Variants in PEMT observed in about 807,000 individuals in gnomAD.
The protein encoded by PEMT is phospholipid methyltransferase.
PEMT carries 23 observed loss-of-function variants against 27.4 expected under a neutral mutation model. The observed-to-expected ratio is 0.84, with a 90% CI of 0.60 to 1.19. The LOEUF is 1.19. Among genes scored for constraint, PEMT ranks in the 50% most tolerant of loss-of-function variants. PEMT has a pLI of 0.00. For missense variants in PEMT, 307 were observed against 310.1 expected (o/e 0.99, Z 0.07); for synonymous variants, 137 against 139.1 (o/e 0.98, Z 0.11).
At chr17:17,533,209 G>C (rs895894855) in intron 2 of PEMT, among the ~76,000 whole-genome samples, 10 of 152,166 alleles carry the variant, frequency 6.6e-5, no homozygotes, top group African/African-American at 1.9e-4. Flanking sequence ...TTCCAACAAG[G>C]CTGCCAAAAC....
chr17:17,581,948 AC>A (rs1351997004), intron 1 of PEMT, among the ~76,000 whole-genome samples: 11 of 150,848 alleles, frequency 7.3e-5, no homozygotes, highest in East Asian at 1.9e-4. Context: ...CATTTCCAAA[AC>A]CCCCCTCAGG....
chr17:17,538,924 A>C (rs1299543274), intron 2 of PEMT, among the ~76,000 whole-genome samples: 2 of 152,198 alleles, frequency 1.3e-5, no homozygotes, highest in African/African-American at 4.8e-5. Flanking sequence ...TCAGGTTTCC[A>C]AGCTGGCCTT....
intron 2 of PEMT, among the ~76,000 whole-genome samples, chr17:17,566,951 G>A (rs1466311152): frequency 1.3e-5 from 2 of 152,224 alleles, no homozygotes; most frequent in African/African-American, 2.4e-5. Flanking sequence ...GAGGGATCCC[G>A]AGAGATGTCT....
intron 1 of PEMT, among the ~76,000 whole-genome samples, chr17:17,584,996 G>A (rs1439254619): frequency 2.0e-5 from 3 of 152,232 alleles, no homozygotes; most frequent in African/African-American, 7.2e-5. Flanking sequence ...CTGTGTCATC[G>A]AGTCCTGGTG....
intron 2 of PEMT, among the ~76,000 whole-genome samples, chr17:17,550,072 G>T (rs561880206): frequency 2.0e-5 from 3 of 152,202 alleles, no homozygotes; most frequent in East Asian, 1.9e-4. Flanking sequence ...CCCTGATAGC[G>T]GGGGGGATCA....
At chr17:17,591,353 A>G in intron 1 of PEMT, 178 bp downstream of exon 1, 1 of 603,228 alleles carries the variant, frequency 1.7e-6, no homozygotes, top group Non-Finnish European at 2.9e-6. Flanking sequence ...ACACGCACAC[A>G]CACAGACACC....
intron 1 of PEMT, among the ~76,000 whole-genome samples, chr17:17,581,961 G>A (rs1912001677): frequency 6.6e-6 from 1 of 152,138 alleles, no homozygotes; most frequent in Non-Finnish European, 1.5e-5. Flanking sequence ...CCCCTCAGGA[G>A]GGTGGACCTC....
At chr17:17,542,128 T>G (rs561910305) in intron 2 of PEMT, among the ~76,000 whole-genome samples, 2 of 152,136 alleles carry the variant, frequency 1.3e-5, no homozygotes, top group South Asian at 2.1e-4. Flanking sequence ...TTACAGGTGC[T>G]CACCACCACA....
At position 17,582,278 on chromosome 17, in the gene PEMT, G is replaced by A; in HGVS notation, c.97-5251C>T. ...AAGGAGCTACCCACCACGGCCAGGAGGTCTGCTGAGCTGCAGGAATAGCTC... is the reference window on the plus strand; with the variant it reads ...AAGGAGCTACCCACCACGGCCAGGAAGTCTGCTGAGCTGCAGGAATAGCTC... On this transcript the variant is annotated intron_variant, in intron 1 of 6. Transcript: ENST00000255389. The surrounding 1 kb of genome is among the most constrained non-coding windows in gnomAD (Gnocchi z 4.9). 13 of 985,526 alleles carry A rather than the reference G, an allele frequency of 1.3e-5. No homozygotes were observed. Among genetic ancestry groups the A allele is most frequent in the African/African-American group, 1.7e-5 (1 of 57,370 alleles). The allele number at this position is 985,526 out of a possible 1,614,324, so 61.0% of individuals were successfully genotyped here. A position where few individuals can be genotyped will look rare whatever the true frequency, so the allele number is the denominator to read the frequency against.
At chr17:17,537,353 A>G (rs1908554408) in intron 2 of PEMT, among the ~76,000 whole-genome samples, 1 of 152,186 alleles carries the variant, frequency 6.6e-6, no homozygotes, top group Admixed American at 6.5e-5. Flanking sequence ...CACCGGCCAG[A>G]GGGCAGATGC....
At chr17:17,577,782 C>T (rs1911714211) in intron 1 of PEMT, among the ~76,000 whole-genome samples, 1 of 152,056 alleles carries the variant, frequency 6.6e-6, no homozygotes, top group South Asian at 2.1e-4. Flanking sequence ...CTTTGGGAGG[C>T]CGAGGCGGGC....
intron 2 of PEMT, among the ~76,000 whole-genome samples, chr17:17,547,874 A>T (rs1909369637): frequency 6.6e-6 from 1 of 152,224 alleles, no homozygotes; most frequent in Non-Finnish European, 1.5e-5. Context: ...GGGCATGGAA[A>T]ATCTAAATCA....
At chr17:17,545,485 C>T (rs1412526975) in intron 2 of PEMT, among the ~76,000 whole-genome samples, 3 of 152,224 alleles carry the variant, frequency 2.0e-5, no homozygotes, top group African/African-American at 4.8e-5. Flanking sequence ...GTCCCAGCCC[C>T]AGGGCCATTC....
At chr17:17,511,441 C>T (rs1485549998) in intron 4 of PEMT, among the ~76,000 whole-genome samples, 2 of 152,246 alleles carry the variant, frequency 1.3e-5, no homozygotes, top group Non-Finnish European at 2.9e-5. Flanking sequence ...CCCCTACTGG[C>T]AGGCACAAGC....
intron 1 of PEMT, 65 bp from the exon 2 acceptor site, chr17:17,577,092 C>T (rs900498662): frequency 1.1e-5 from 14 of 1,281,848 alleles, no homozygotes; most frequent in African/African-American, 1.0e-4. Context: ...CCCCAGGAGT[C>T]GGAGAAAAAG....
At chr17:17,569,147 G>A (rs938911964) in intron 2 of PEMT, among the ~76,000 whole-genome samples, 1 of 152,188 alleles carries the variant, frequency 6.6e-6, no homozygotes, top group Non-Finnish European at 1.5e-5. Context: ...AAAGTCCCCG[G>A]CCAGAGGGAC....
In PEMT at chr17:17,530,627, C is replaced by T. The variant is rs1908024338; in HGVS notation, c.205-8232G>A. 2.0e-5 allele frequency among the ~76,000 whole-genome samples: 3 copies of T among 152,202 alleles called. No homozygotes were observed. The South Asian group carries it at 6.2e-4, about 31-fold the overall frequency. ...TTGACTAATCCTCCCTCCTGCCGCACAGCCTGAGGACAAAAGAACCAGAAA... is the reference window on the plus strand; with the variant it reads ...TTGACTAATCCTCCCTCCTGCCGCATAGCCTGAGGACAAAAGAACCAGAAA... On this transcript the variant is annotated intron_variant, in intron 2 of 6. Coordinates refer to ENST00000255389, the MANE Select transcript of PEMT (RefSeq NM_148172.3).
chr17:17,514,991 G>A (rs953730615), intron 3 of PEMT, among the ~76,000 whole-genome samples: 6 of 152,206 alleles, frequency 3.9e-5, no homozygotes, highest in Admixed American at 3.3e-4. Context: ...TGCAGGCCTC[G>A]GCCCGGCAGG....
intron 3 of PEMT, among the ~76,000 whole-genome samples, chr17:17,516,223 C>T (rs958209285): frequency 2.0e-5 from 3 of 152,156 alleles, no homozygotes; most frequent in African/African-American, 4.8e-5. Flanking sequence ...AGCTACACGA[C>T]GCTAGCCATG....
Sources: gnomAD v4.1 joint callset for allele counts (sites outside exome capture counted in the v4.1 genomes callset) on GRCh38, gnomAD v4.1.1 for gene constraint, Gnocchi (gnomAD v3.1) non-coding constraint, MANE v1.5 for transcripts, NCBI Gene and HGNC (gene_info 2026-07-23, HGNC 2026-07-21) for gene names.